The following SYCP1 variants were observed in gnomAD, a reference collection of about 807,000 sequenced individuals.
The protein encoded by SYCP1 is synaptonemal complex protein 1, also known as cancer/testis antigen 8.
Under a neutral mutation model 153.1 loss-of-function variants are expected in SYCP1, and 64 were observed. The ratio of observed to expected loss-of-function variants is 0.42; its 90% confidence interval spans 0.34 to 0.51. SYCP1 has a LOEUF of 0.51. Ranked by LOEUF, SYCP1 falls within the 20% of genes least tolerant of loss-of-function variation. The pLI is 0.06. For synonymous variants in SYCP1, 384 were observed against 341.8 expected (o/e 1.12, Z -1.36); for missense variants, 997 against 1,049.0 (o/e 0.95, Z 0.68).
At chr1:114,932,454 T>G (rs1199560314) in intron 23 of SYCP1, among the ~76,000 whole-genome samples, 4 of 152,140 alleles carry the variant, frequency 2.6e-5, no homozygotes, top group Non-Finnish European at 5.9e-5. Context: ...GATGGCTGAA[T>G]AGGAACAGCT....
chr1:114,894,076 AT>A (rs1666907221), intron 15 of SYCP1, among the ~76,000 whole-genome samples: 2 of 147,432 alleles, frequency 1.4e-5, no homozygotes. Flanking sequence ...TTTTTTTCTA[AT>A]TTTGTGGGAT....
At chr1:114,857,556 A>G (rs372385605) in intron 5 of SYCP1, 59 bp downstream of exon 5, 6 of 1,202,718 alleles carry the variant, frequency 5.0e-6, no homozygotes, top group Non-Finnish European at 7.0e-6. Context: ...CTTATTACCT[A>G]TATGTATATT....
intron 23 of SYCP1, among the ~76,000 whole-genome samples, chr1:114,942,769 A>G (rs1467965659): frequency 6.6e-6 from 1 of 151,976 alleles, no homozygotes; most frequent in Non-Finnish European, 1.5e-5. Context: ...GGTAGTAAAG[A>G]AAGATTTCCT....
chr1:114,907,816 C>T (rs1352660724), intron 16 of SYCP1, among the ~76,000 whole-genome samples: 2 of 152,076 alleles, frequency 1.3e-5, no homozygotes, highest in Middle Eastern at 3.4e-3. Context: ...CTCCTGACCT[C>T]GTGATCCACC....
chr1:114,960,335 T>C (rs1671706469), intron 27 of SYCP1, among the ~76,000 whole-genome samples: 1 of 152,006 alleles, frequency 6.6e-6, no homozygotes, highest in African/African-American at 2.4e-5. Flanking sequence ...CCCTGGCTAA[T>C]TTTTGTATTT....
chr1:114,970,542 G>A (rs1362152767), intron 27 of SYCP1, among the ~76,000 whole-genome samples: 1 of 151,152 alleles, frequency 6.6e-6, no homozygotes, highest in African/African-American at 2.4e-5. Flanking sequence ...GATAGACTAT[G>A]TCAGAGGAAA....
intron 8 of SYCP1, among the ~76,000 whole-genome samples, chr1:114,861,270 G>A (rs1001952319): frequency 2.6e-5 from 4 of 152,034 alleles, no homozygotes; most frequent in Admixed American, 1.3e-4. Context: ...ATTCTAATAT[G>A]GTTGTGTTGT....
At chr1:114,932,636 G>C (rs902671679) in intron 23 of SYCP1, among the ~76,000 whole-genome samples, 1 of 152,206 alleles carries the variant, frequency 6.6e-6, no homozygotes, top group African/African-American at 2.4e-5. Flanking sequence ...AGGGGTTGGG[G>C]AATTCCCTTT....
Position 114,910,463 on chromosome 1 carries a change from A to G in SYCP1, c.1387A>G (p.Thr463Ala), listed in dbSNP as rs745538695. 2 of 1,602,542 alleles carry G rather than the reference A, an allele frequency of 1.2e-6. No homozygotes were observed. The highest frequency in any genetic ancestry group is 1.1e-5 in the South Asian group (1 of 88,258). Residue 463 changes from threonine to alanine, a missense_variant, in exon 17 of 32, where the codon ACA (threonine) becomes GCA (alanine). Transcript: ENST00000369522. ...GAAGATTGCTGAAGAATTAAAAGGA[A>G]CAGAACAAGAACTAATTGGTCTTCT... is the stretch of plus-strand genomic sequence containing the variant. ...FEKIAEELKG[T>A]EQELIGLLQA...
At chr1:114,984,994 C>A in intron 30 of SYCP1, 126 bp downstream of exon 30, 1 of 414,946 alleles carries the variant, frequency 2.4e-6, no homozygotes, top group Non-Finnish European at 3.8e-6. Flanking sequence ...TACAGTGGAG[C>A]TCTGCTAAAA....
intron 30 of SYCP1, among the ~76,000 whole-genome samples, chr1:114,993,976 G>A (rs955061338): frequency 6.1e-5 from 9 of 148,682 alleles, no homozygotes; most frequent in African/African-American, 2.0e-4. Flanking sequence ...AATCATACAG[G>A]ATTTGTTCTT....
At chr1:114,854,804 T>C (rs926924606), upstream of SYCP1, 1 of 152,198 alleles carries the variant, frequency 6.6e-6, no homozygotes, top group African/African-American at 2.4e-5. Context: ...ATTCAGGTCC[T>C]GGGAGCCTGG....
chr1:114,903,891 A>G (rs1667635883), intron 16 of SYCP1, among the ~76,000 whole-genome samples: 1 of 152,038 alleles, frequency 6.6e-6, no homozygotes, highest in Non-Finnish European at 1.5e-5. Context: ...ATAAAAATCA[A>G]TTGGCCATGT....
intron 15 of SYCP1, among the ~76,000 whole-genome samples, chr1:114,890,455 T>A (rs141873223): frequency 6.6e-6 from 1 of 152,018 alleles, no homozygotes; most frequent in Non-Finnish European, 1.5e-5. Flanking sequence ...CATACTAATA[T>A]ATTTTGGGTG....
intron 15 of SYCP1, among the ~76,000 whole-genome samples, chr1:114,889,355 C>G (rs899231079): frequency 1.3e-5 from 2 of 152,216 alleles, no homozygotes; most frequent in Admixed American, 1.3e-4. Flanking sequence ...CACATCCTCT[C>G]CAGCATCTGT....
rs765451719 is a variant in SYCP1, at chr1:114,910,422, A to G, written c.1346A>G (p.Glu449Gly). Residue 449 changes from glutamate (E) to glycine (G), a missense_variant, in exon 17 of 32, where the codon GAA becomes GGA. By Grantham distance (98) the Glu-to-Gly change is moderately conservative (BLOSUM62 -2). Transcript: ENST00000369522. ...VLGEKETLLY[E>G]NKQFEKIAEE... is the part of the protein sequence containing the mutation. ...GGAGAAAAGGAAACACTTTTATATGAAAATAAACAATTTGAGAAGATTGCT... is the reference window on the plus strand; with the variant it reads ...GGAGAAAAGGAAACACTTTTATATGGAAATAAACAATTTGAGAAGATTGCT... 5.6e-6 allele frequency: 9 copies of G among 1,601,340 alleles called. No individual in the cohort carries two copies. The highest frequency in any genetic ancestry group is 7.7e-6 in the Non-Finnish European group (9 of 1,174,056).
Position 114,856,553 on chromosome 1 carries a change from G to T in SYCP1, c.109-20G>T. On this transcript the variant is annotated intron_variant, in intron 2 of 31. Coordinates refer to ENST00000369522, the MANE Select transcript of SYCP1 (RefSeq NM_003176.4). ...GAGTGGTATGAAACAGAATATTTAA[G>T]AACTTCTTTGTGTCTCTAGAGTTTC... The T allele has an allele frequency of 6.3e-7, 1 of 1,575,620 alleles. No homozygotes were observed. The highest frequency in any genetic ancestry group is 2.3e-5 in the East Asian group (1 of 44,408).
chr1:114,857,239 T>C lies in SYCP1; in HGVS notation c.201T>C (p.Ala67=). 6.2e-7 allele frequency: 1 copy of C among 1,601,268 alleles called. No homozygotes were observed. The highest frequency in any genetic ancestry group is 8.5e-7 in the Non-Finnish European group (1 of 1,173,330). The change falls in exon 4 of 32, where the codon GCT becomes GCC. Residue 67 remains alanine, a synonymous_variant. Coordinates refer to ENST00000369522, the MANE Select transcript of SYCP1 (RefSeq NM_003176.4). ...TTGTCTTTTATCTTGCAGATCCTGCTTTACAAAAAGTTAATTTCTTGCCCG... is the reference window on the plus strand; with the variant it reads ...TTGTCTTTTATCTTGCAGATCCTGCCTTACAAAAAGTTAATTTCTTGCCCG... ...KNGENIDSDP[A]LQKVNFLPVL...
chr1:114,947,300 G>C lies in SYCP1; in HGVS notation c.2302G>C (p.Glu768Gln). Residue 768 changes from glutamate (E) to glutamine (Q), a missense_variant, in exon 27 of 32, where the codon GAA becomes CAA. Physicochemically the swap from Glu to Gln is conservative, Grantham distance 29 (BLOSUM62 2). Coordinates refer to ENST00000369522, the MANE Select transcript of SYCP1 (RefSeq NM_003176.4). Reference sequence around the variant, plus strand: ...ACTTTTGTCTGTTAAGAAGCAACTTGAAATAGAAAGAGAAGAGAAGGTAGG... The same window carrying C: ...ACTTTTGTCTGTTAAGAAGCAACTTCAAATAGAAAGAGAAGAGAAGGTAGG... ...AELLSVKKQLEIEREEKEKLK... is the reference protein window; with the variant it reads ...AELLSVKKQLQIEREEKEKLK... 1 of 1,612,874 alleles carries C rather than the reference G, an allele frequency of 6.2e-7. No homozygotes were observed. Among genetic ancestry groups the C allele is most frequent in the Non-Finnish European group, 8.5e-7 (1 of 1,179,496 alleles).
Sources: allele counts gnomAD v4.1 joint callset (sites outside exome capture counted in the v4.1 genomes callset), GRCh38; gene constraint gnomAD v4.1.1; transcripts MANE v1.5; gene names NCBI Gene and HGNC (gene_info 2026-07-23, HGNC 2026-07-21).